The following C11orf54 variants were observed in gnomAD, a reference collection of about 807,000 sequenced individuals.
C11orf54 encodes the protein beta-keto L-gulonate decarboxylase.
A neutral mutation model predicts 35.5 loss-of-function variants in C11orf54; 29 were observed. That is an observed-to-expected ratio of 0.82 (90% CI 0.61 to 1.11). The LOEUF (loss-of-function observed/expected upper bound fraction) is 1.11, where lower values mean the gene tolerates loss of function less well. Ranked by LOEUF, C11orf54 falls within the 50% of genes most tolerant of loss-of-function variation. The probability of loss-of-function intolerance (pLI) is 0.00; values close to 1 mark genes in which losing one functional copy is unlikely to be tolerated. For synonymous variants in C11orf54, 108 were observed against 121.1 expected (o/e 0.89, Z 0.71); for missense variants, 373 against 369.2 (o/e 1.01, Z -0.08).
At chr11:93,748,120 TC>T in intron 2 of C11orf54, among the ~76,000 whole-genome samples, 1 of 152,330 alleles carries the variant, frequency 6.6e-6, no homozygotes, top group African/African-American at 2.4e-5. Context: ...TTCTGGTAGT[TC>T]ATTTGTCATC....
intron 3 of C11orf54, among the ~76,000 whole-genome samples, chr11:93,751,478 C>T (rs1357803708): frequency 7.0e-6 from 1 of 143,272 alleles, no homozygotes; most frequent in African/African-American, 2.6e-5. Flanking sequence ...AATCTCAGCT[C>T]ACTGCAACCT....
At chr11:93,756,684 G>C (rs116633254) in intron 6 of C11orf54, among the ~76,000 whole-genome samples, 1 of 152,082 alleles carries the variant, frequency 6.6e-6, no homozygotes, top group African/African-American at 2.4e-5. Flanking sequence ...GATAGAAATG[G>C]TGGTAGCAAA....
intron 2 of C11orf54, among the ~76,000 whole-genome samples, chr11:93,748,646 G>A (rs1942618455): frequency 6.6e-6 from 1 of 151,988 alleles, no homozygotes; most frequent in Non-Finnish European, 1.5e-5. Context: ...GACCAGCCTG[G>A]CCAACATGGC....
chr11:93,750,350 G>T lies in C11orf54; in HGVS notation c.60G>T (p.Met20Ile), dbSNP rs1048213586. The T allele has an allele frequency of 3.7e-6, 6 of 1,612,554 alleles. No homozygotes were observed. Among genetic ancestry groups the T allele is most frequent in the African/African-American group, 1.3e-5 (1 of 74,862 alleles). ...CTTATTCCTTGTCTTTATTAGTTATGCAGAAGGGGTTAAAAGATAACTTTG... is the reference window on the plus strand; with the variant it reads ...CTTATTCCTTGTCTTTATTAGTTATTCAGAAGGGGTTAAAAGATAACTTTG... ...VPSLEELAGV[M>I]QKGLKDNFAD... is the part of the protein sequence containing the mutation. The change falls in exon 3 of 9, where the codon ATG becomes ATT. Residue 20 changes from methionine to isoleucine, a missense_variant. Coordinates refer to ENST00000354421, the MANE Select transcript of C11orf54 (RefSeq NM_001286069.2).
intron 7 of C11orf54, 87 bp downstream of exon 7, chr11:93,757,552 C>T (rs1162652268): frequency 9.9e-6 from 13 of 1,310,594 alleles, no homozygotes; most frequent in East Asian, 9.3e-5. Context: ...TTTTTTTAAA[C>T]GGATCCTTGC....
At position 93,763,480 on chromosome 11, in the gene C11orf54, C is replaced by T. The variant is rs558592898; in HGVS notation, c.*1792C>T. Reference sequence around the variant, plus strand: ...AGACTGATAGCCAAGTTCAGTGGCTCACGCCTGTAATCCTAGTACTTAGGG... The same window carrying T: ...AGACTGATAGCCAAGTTCAGTGGCTTACGCCTGTAATCCTAGTACTTAGGG... On this transcript the variant is annotated 3_prime_UTR_variant, in exon 9 of 9. Transcript: ENST00000354421. The T allele has an allele frequency of 2.0e-5, 3 of 152,284 alleles. No individual in the cohort carries two copies. Among genetic ancestry groups the T allele is most frequent in the East Asian group, 3.9e-4 (2 of 5,188 alleles). The allele number at this position is 152,284 out of a possible 1,614,324, so 9.4% of individuals were successfully genotyped here.
chr11:93,759,642 T>C (rs1943351540), intron 7 of C11orf54, 100 bp from the exon 8 acceptor site: 2 of 499,766 alleles, frequency 4.0e-6, no homozygotes, highest in Non-Finnish European at 6.1e-6. Flanking sequence ...ACTTCAAGTA[T>C]AATTAAACAA....
Position 93,757,470 on chromosome 11 carries a change from G to A in C11orf54, c.657+5G>A, listed in dbSNP as rs1943214593. On this transcript the variant is annotated splice_donor_5th_base_variant and intron_variant, in intron 7 of 8. Transcript: ENST00000354421. The stretch of plus-strand genomic sequence containing the variant: ...AAAGTGAAGTCTCACATTATGGTAA[G>A]AGCCCATGTGTGCATACATGCATGA... The A allele has an allele frequency of 6.3e-7, 1 of 1,596,870 alleles. No homozygotes were observed. Among genetic ancestry groups the A allele is most frequent in the Non-Finnish European group, 8.5e-7 (1 of 1,179,254 alleles).
chr11:93,743,586 G>C (rs1259538579), intron 1 of C11orf54, among the ~76,000 whole-genome samples: 2 of 152,202 alleles, frequency 1.3e-5, no homozygotes, highest in African/African-American at 4.8e-5. Flanking sequence ...GAGCCGGAGC[G>C]AGCGCTTTTG....
In C11orf54 at chr11:93,745,297, G is replaced by C. The variant is rs1942401060; in HGVS notation, c.-97-2000G>C. On this transcript the variant is annotated intron_variant, in intron 1 of 8. Transcript: ENST00000354421. ...TTCCCACGAGGCCATATCTCAGGCT[G>C]TCTCAGTGGGGGGAATTCTTGGACA... is the stretch of plus-strand genomic sequence containing the variant. Among the ~76,000 whole-genome samples, 3 of 152,320 alleles carry C rather than the reference G, an allele frequency of 2.0e-5. No homozygotes were observed. The Middle Eastern group carries it at 0.01, about 518-fold the overall frequency.
rs772029666 is a variant in C11orf54, at chr11:93,761,525, T to G, written c.785T>G (p.Leu262Trp). The G allele has an allele frequency of 9.3e-6, 15 of 1,605,924 alleles. No homozygotes were observed. The highest frequency in any genetic ancestry group is 1.3e-5 in the Non-Finnish European group (15 of 1,176,904). Residue 262 changes from leucine (L) to tryptophan (W), a missense_variant, in exon 9 of 9, where the codon TTG becomes TGG. Physicochemically the swap from Leu to Trp is moderately conservative, Grantham distance 61. Transcript: ENST00000354421. ...VFVSRDPGFD[L>W]RLEHTHFFSR... is the part of the protein sequence containing the mutation. Reference sequence around the variant, plus strand: ...TGTCTGTTATCTTAGGGGTTTGATTTGCGACTGGAGCACACTCATTTTTTT... The same window carrying G: ...TGTCTGTTATCTTAGGGGTTTGATTGGCGACTGGAGCACACTCATTTTTTT...
rs1765336874 is a variant in C11orf54 at position 93,763,925 on chromosome 11, C to T, written c.*2237C>T. 6.6e-6 allele frequency: 1 copy of T among 152,196 alleles called. No individual in the cohort carries two copies. The highest frequency in any genetic ancestry group is 6.5e-5 in the Admixed American group (1 of 15,270). The allele number at this position is 152,196 out of a possible 1,614,324, so 9.4% of individuals were successfully genotyped here. A position where few individuals can be genotyped will look rare whatever the true frequency, so the allele number is the denominator to read the frequency against. Reference sequence around the variant, plus strand: ...TTTTTTGGTGGTTAGGGAGTAGGGCCAGAGTGATGTTTCTTGCATGTGGTT... The same window carrying T: ...TTTTTTGGTGGTTAGGGAGTAGGGCTAGAGTGATGTTTCTTGCATGTGGTT... On this transcript the variant is annotated 3_prime_UTR_variant, in exon 9 of 9. Coordinates refer to ENST00000354421, the MANE Select transcript of C11orf54 (RefSeq NM_001286069.2).
chr11:93,759,296 C>T (rs761450441), intron 7 of C11orf54, among the ~76,000 whole-genome samples: 1 of 152,156 alleles, frequency 6.6e-6, no homozygotes, highest in Non-Finnish European at 1.5e-5. Context: ...ACATATACAC[C>T]ATGGAATACT....
At chr11:93,757,557 C>G (rs1037769300) in intron 7 of C11orf54, 92 bp downstream of exon 7, 1 of 1,332,454 alleles carries the variant, frequency 7.5e-7, no homozygotes, top group East Asian at 2.3e-5. Flanking sequence ...TTAAACGGAT[C>G]CTTGCTCTGT....
intron 2 of C11orf54, among the ~76,000 whole-genome samples, 182 bp downstream of exon 2, chr11:93,747,630 A>G (rs1032240954): frequency 9.4e-5 from 8 of 85,540 alleles, no homozygotes; most frequent in African/African-American, 2.9e-4. Flanking sequence ...ATTTTTATTG[A>G]GAAAGTCCAA....
At chr11:93,754,946 A>C (rs950689813) in intron 5 of C11orf54, 3 of 230,412 alleles carry the variant, frequency 1.3e-5, no homozygotes, top group Non-Finnish European at 2.6e-5. Context: ...GTTGGCCAGG[A>C]TGGTCTTGAT....
chr11:93,750,436 C>T lies in C11orf54; in HGVS notation c.146C>T (p.Pro49Leu), dbSNP rs1335987333. The T allele has an allele frequency of 1.2e-6, 2 of 1,610,526 alleles. No homozygotes were observed. Among genetic ancestry groups the T allele is most frequent in the Non-Finnish European group, 1.7e-6 (2 of 1,177,796 alleles). Reference sequence around the variant, plus strand: ...TTGACTAAGGAACCCTTTACCTTTCCTGTAAAAGGTAAGCAATTTTTGCAA... The same window carrying T: ...TTGACTAAGGAACCCTTTACCTTTCTTGTAAAAGGTAAGCAATTTTTGCAA... ...PDLTKEPFTF[P>L]VKGICGKTRI... Residue 49 changes from proline to leucine, a missense_variant, in exon 3 of 9, where the codon CCT becomes CTT. By Grantham distance (98) the Pro-to-Leu change is moderately conservative. Transcript: ENST00000354421.
Position 93,753,681 on chromosome 11 carries a change from G to T in C11orf54, c.155-1G>T, listed in dbSNP as rs1019758190. 17 of 1,613,140 alleles carry T rather than the reference G, an allele frequency of 1.1e-5. No homozygotes were observed. The East Asian group carries it at 1.6e-4, about 15-fold the overall frequency. The stretch of plus-strand genomic sequence containing the variant: ...GTTTTTGTTTTTTGGTTTTTTCTTA[G>T]GCATCTGTGGGAAAACTAGAATTGC... On this transcript the variant is annotated splice_acceptor_variant, in intron 3 of 8. Coordinates refer to ENST00000354421, the MANE Select transcript of C11orf54 (RefSeq NM_001286069.2). LOFTEE classifies it high-confidence loss of function.
chr11:93,756,490 A>T (rs1173578914), intron 6 of C11orf54, among the ~76,000 whole-genome samples: 5 of 30,096 alleles, frequency 1.7e-4, no homozygotes, highest in African/African-American at 3.0e-4. Flanking sequence ...GACCTGTCTT[A>T]AAAAAAAAAA....
Sources: allele counts gnomAD v4.1 joint callset (sites outside exome capture counted in the v4.1 genomes callset), GRCh38; gene constraint gnomAD v4.1.1; transcripts MANE v1.5; gene names NCBI Gene and HGNC (gene_info 2026-07-23, HGNC 2026-07-21).